Variants in CLIP2 observed in about 807,000 individuals in gnomAD.
CLIP2 encodes the protein CAP-Gly domain containing linker protein 2.
CLIP2 carries 41 observed loss-of-function variants against 111.7 expected under a neutral mutation model. The observed-to-expected ratio is 0.37, with a 90% CI of 0.29 to 0.48. The LOEUF (loss-of-function observed/expected upper bound fraction) is 0.48, where lower values mean the gene tolerates loss of function less well. CLIP2 is among the 20% of genes least tolerant of loss of function. The pLI, the probability that CLIP2 is intolerant of heterozygous loss-of-function variation, is 0.99. For missense variants in CLIP2, 1,160 were observed against 1,422.1 expected (o/e 0.82, Z 2.96); for synonymous variants, 660 against 644.2 (o/e 1.02, Z -0.37).
chr7:74,339,693 C>T (rs1363748552), intron 3 of CLIP2, among the ~76,000 whole-genome samples: 3 of 152,052 alleles, frequency 2.0e-5, no homozygotes, highest in African/African-American at 7.2e-5. Context: ...TACTAAGTAC[C>T]CATACATTTT....
In CLIP2 at chr7:74,387,657, A is replaced by C. The variant is rs543606752; in HGVS notation, c.2563+1053A>C. Among the ~76,000 whole-genome samples, 3 of 152,272 alleles carry C rather than the reference A, an allele frequency of 2.0e-5. No homozygotes were observed. The East Asian group carries it at 5.8e-4, about 29-fold the overall frequency. On this transcript the variant is annotated intron_variant, in intron 12 of 16. Transcript: ENST00000223398. ...TGTCTTCTGTCCATCCCCCAGTACAAGGCAGAATTGGCCCCAAAAAAGGTC... is the reference window on the plus strand; with the variant it reads ...TGTCTTCTGTCCATCCCCCAGTACACGGCAGAATTGGCCCCAAAAAAGGTC...
intron 2 of CLIP2, among the ~76,000 whole-genome samples, chr7:74,331,440 T>C (rs1472641610): frequency 1.3e-5 from 2 of 151,734 alleles, no homozygotes; most frequent in African/African-American, 4.8e-5. Flanking sequence ...GTCATGTGGG[T>C]TCAGGATGTT....
rs114512975 is a variant in CLIP2, at chr7:74,324,375, T to G, written c.121+6708T>G. 9.1e-3 allele frequency among the ~76,000 whole-genome samples: 1,386 copies of G among 152,322 alleles called. 24 individuals carry two copies. Among genetic ancestry groups the G allele is most frequent in the African/African-American group, 0.031 (1,309 of 41,580 alleles). On this transcript the variant is annotated intron_variant, in intron 2 of 16. Coordinates refer to ENST00000223398, the MANE Select transcript of CLIP2 (RefSeq NM_003388.5). Reference sequence around the variant, plus strand: ...TATGGGAAGCACCTCCCTGTGCTACTGTGATATCACCTGCTGTCATCTGAA... The same window carrying G: ...TATGGGAAGCACCTCCCTGTGCTACGGTGATATCACCTGCTGTCATCTGAA...
intron 5 of CLIP2, 26 bp from the exon 6 acceptor site, chr7:74,357,254 C>A: frequency 1.2e-6 from 2 of 1,609,502 alleles, no homozygotes. Context: ...TCCCTGAGAC[C>A]CGCCTGCATC....
chr7:74,402,452 G>A (rs1554317876), intron 16 of CLIP2, among the ~76,000 whole-genome samples: 1 of 152,128 alleles, frequency 6.6e-6, no homozygotes, highest in Non-Finnish European at 1.5e-5. Context: ...GGCAGGTGGA[G>A]GTTGCAGTGA....
chr7:74,309,515 C>T (rs1013255923), intron 1 of CLIP2, among the ~76,000 whole-genome samples: 1 of 152,050 alleles, frequency 6.6e-6, no homozygotes, highest in Non-Finnish European at 1.5e-5. Context: ...CGGATTCATA[C>T]AATATGGAGT....
intron 1 of CLIP2, among the ~76,000 whole-genome samples, chr7:74,305,179 T>C (rs576175189): frequency 2.0e-5 from 1 of 49,816 alleles, no homozygotes; most frequent in South Asian, 7.1e-4. Context: ...GTGCCATCCG[T>C]GCCCACCCAC....
At chr7:74,333,849 G>A (rs1284233951) in intron 2 of CLIP2, among the ~76,000 whole-genome samples, 3 of 152,248 alleles carry the variant, frequency 2.0e-5, no homozygotes, top group Non-Finnish European at 4.4e-5. Context: ...TTGCCTTCGC[G>A]GGGGTTTGCT....
At position 74,363,922 on chromosome 7, in the gene CLIP2, A is replaced by G. The variant is rs7456556; in HGVS notation, c.1320-333A>G. Among the ~76,000 whole-genome samples, 110 of 129,108 alleles carry G rather than the reference A, an allele frequency of 8.5e-4. 1 individual carries two copies. Among genetic ancestry groups the G allele is most frequent in the African/African-American group, 3.3e-3 (93 of 28,098 alleles). 84.7% of individuals were successfully genotyped at this position (129,108 alleles called of 152,430 possible). On this transcript the variant is annotated intron_variant, in intron 7 of 16. Coordinates refer to ENST00000223398, the MANE Select transcript of CLIP2 (RefSeq NM_003388.5). The stretch of plus-strand genomic sequence containing the variant: ...AAAAAAAAAAAAAAAGGGAGGGAGG[A>G]AGGAAGGAAGGAAGGAAAGAAAGAA...
intron 3 of CLIP2, among the ~76,000 whole-genome samples, chr7:74,342,761 A>G (rs777868425): frequency 2.0e-4 from 30 of 152,084 alleles, no homozygotes; most frequent in Non-Finnish European, 4.0e-4. Flanking sequence ...TGAAAAATAC[A>G]TGGTGGCCGG....
At chr7:74,337,251 G>A (rs1554732284) in intron 2 of CLIP2, among the ~76,000 whole-genome samples, 2 of 152,120 alleles carry the variant, frequency 1.3e-5, no homozygotes, top group African/African-American at 4.8e-5. Context: ...CTTGGGGAGG[G>A]GAGAAAGGGG....
intron 4 of CLIP2, among the ~76,000 whole-genome samples, chr7:74,355,001 A>G (rs1396991022): frequency 6.6e-6 from 1 of 152,072 alleles, no homozygotes; most frequent in Non-Finnish European, 1.5e-5. Flanking sequence ...GTCTGGGCTT[A>G]TGGTAGGTGG....
At chr7:74,337,242 T>C (rs1011991350) in intron 2 of CLIP2, among the ~76,000 whole-genome samples, 1 of 152,122 alleles carries the variant, frequency 6.6e-6, no homozygotes, top group African/African-American at 2.4e-5. Flanking sequence ...GGGCTGCAGC[T>C]TGGGGAGGGG....
At chr7:74,296,615 C>T (rs1344392053) in intron 1 of CLIP2, among the ~76,000 whole-genome samples, 3 of 151,458 alleles carry the variant, frequency 2.0e-5, no homozygotes, top group Non-Finnish European at 4.4e-5. Flanking sequence ...TGGTGAAACC[C>T]TGTTTCTACT....
intron 2 of CLIP2, among the ~76,000 whole-genome samples, chr7:74,329,914 G>T (rs1554731066): frequency 1.3e-5 from 2 of 151,972 alleles, no homozygotes; most frequent in East Asian, 1.9e-4. Flanking sequence ...CGAGTAGCTG[G>T]GATTACAAGC....
chr7:74,336,608 TG>T (rs1789467717), intron 2 of CLIP2, among the ~76,000 whole-genome samples: 1 of 152,056 alleles, frequency 6.6e-6, no homozygotes. Flanking sequence ...AAGCTCCCAC[TG>T]GGTACCTCCC....
At position 74,338,993 on chromosome 7, in the gene CLIP2, G is replaced by A. The variant is rs1484017814; in HGVS notation, c.667G>A (p.Asp223Asn). The A allele has an allele frequency of 1.3e-6, 2 of 1,597,304 alleles. No homozygotes were observed. The highest frequency in any genetic ancestry group is 1.7e-6 in the Non-Finnish European group (2 of 1,179,060). ...KRGEKDLRLGDRVLVGGTKTG... is the reference protein window; with the variant it reads ...KRGEKDLRLGNRVLVGGTKTG... ...GGGCGAAAAGGACCTGCGCCTGGGG[G>A]ACCGCGTGCTGGTGAGTGCGGGCAG... Residue 223 changes from aspartate (D) to asparagine (N), a missense_variant, in exon 3 of 17, where the codon GAC (aspartate) becomes AAC (asparagine). Coordinates refer to ENST00000223398, the MANE Select transcript of CLIP2 (RefSeq NM_003388.5). This position sits in a 1 kb window ranked among gnomAD's most constrained non-coding sequence, Gnocchi z 4.3.
intron 7 of CLIP2, among the ~76,000 whole-genome samples, chr7:74,362,570 C>T (rs1237161654): frequency 7.6e-6 from 1 of 130,740 alleles, no homozygotes; most frequent in Non-Finnish European, 1.5e-5. Context: ...GAGTCTCGCT[C>T]TGTCACCCAG....
In CLIP2 at chr7:74,356,573, G is replaced by A. The variant is rs782236508; in HGVS notation, c.967G>A (p.Val323Ile). The change falls in exon 5 of 17, where the codon GTC (valine) becomes ATC (isoleucine). Residue 323 changes from valine (V) to isoleucine (I), a missense_variant. Coordinates refer to ENST00000223398, the MANE Select transcript of CLIP2 (RefSeq NM_003388.5). ...TCCCAGCAGTTCCTCCATCAGCTCC[G>A]TCAGCTCTGTGGCCTCCTCCGTGGG... Reference protein sequence around the residue: ...HSPSSSSISSVSSVASSVGGR... With the variant: ...HSPSSSSISSISSVASSVGGR... 1.5e-5 allele frequency: 25 copies of A among 1,614,024 alleles called. No individual in the cohort carries two copies. Among genetic ancestry groups the A allele is most frequent in the African/African-American group, 8.0e-5 (6 of 74,916 alleles).
Sources: gnomAD v4.1 joint callset for allele counts (sites outside exome capture counted in the v4.1 genomes callset) on GRCh38, gnomAD v4.1.1 for gene constraint, Gnocchi (gnomAD v3.1) non-coding constraint, MANE v1.5 for transcripts, NCBI Gene and HGNC (gene_info 2026-07-23, HGNC 2026-07-21) for gene names.